Variants in SHISA9 observed in about 807,000 individuals in gnomAD.
SHISA9 encodes the protein shisa family member 9, also known as protein shisa-9.
A neutral mutation model predicts 38.0 loss-of-function variants in SHISA9; 13 were observed. The observed-to-expected ratio is 0.34, with a 90% CI of 0.22 to 0.54. The LOEUF (loss-of-function observed/expected upper bound fraction) is 0.54, where lower values mean the gene tolerates loss of function less well. SHISA9 is among the 20% of genes least tolerant of loss of function. The pLI is 0.91. For missense variants in SHISA9, 538 were observed against 575.8 expected (o/e 0.93, Z 0.67); for synonymous variants, 275 against 242.0 (o/e 1.14, Z -1.27).
intron 2 of SHISA9, among the ~76,000 whole-genome samples, chr16:12,939,076 C>T (rs2071574154): frequency 6.6e-6 from 1 of 151,838 alleles, no homozygotes; most frequent in Non-Finnish European, 1.5e-5. Context: ...CTCCTTTCCT[C>T]TTCTCTCCTC....
the SHISA9 span, among the ~76,000 whole-genome samples, chr16:13,315,835 G>A: frequency 6.6e-6 from 1 of 152,136 alleles, no homozygotes; most frequent in South Asian, 2.1e-4. Flanking sequence ...GTGAAAACAT[G>A]AACCCAGGCG....
At chr16:12,903,838 A>T (rs2071056821) in intron 1 of SHISA9, among the ~76,000 whole-genome samples, 1 of 152,160 alleles carries the variant, frequency 6.6e-6, no homozygotes, top group African/African-American at 2.4e-5. Flanking sequence ...GCTCCGTGTG[A>T]TGCCTAAAAA....
the SHISA9 span, among the ~76,000 whole-genome samples, chr16:13,249,041 T>C: frequency 1.9e-3 from 287 of 152,206 alleles, 1 homozygote; most frequent in African/African-American, 6.8e-3. Context: ...TGAGGGAAAA[T>C]TTCTCCAAGA....
At chr16:13,261,778 G>T in the SHISA9 span, among the ~76,000 whole-genome samples, 1 of 152,170 alleles carries the variant, frequency 6.6e-6, no homozygotes, top group African/African-American at 2.4e-5. Context: ...GATATGGGCT[G>T]GTGATCATGG....
At chr16:13,027,689 G>A (rs1399265883) in intron 2 of SHISA9, among the ~76,000 whole-genome samples, 1 of 152,072 alleles carries the variant, frequency 6.6e-6, no homozygotes, top group African/African-American at 2.4e-5. Flanking sequence ...AGTGTTGGGA[G>A]GCTGAGGCAG....
the SHISA9 span, among the ~76,000 whole-genome samples, chr16:13,498,085 G>A: frequency 5.3e-5 from 8 of 151,792 alleles, no homozygotes; most frequent in Admixed American, 4.6e-4. Flanking sequence ...AAAAAAATCA[G>A]ATAAAAGTTT....
chr16:13,482,223 T>A, the SHISA9 span, among the ~76,000 whole-genome samples: 1 of 152,258 alleles, frequency 6.6e-6, no homozygotes, highest in Non-Finnish European at 1.5e-5. Context: ...GTTGGCTGTT[T>A]CCCTGCCAAG....
the SHISA9 span, among the ~76,000 whole-genome samples, chr16:13,418,075 T>C: frequency 1.3e-5 from 2 of 152,188 alleles, no homozygotes; most frequent in East Asian, 1.9e-4. Flanking sequence ...CAGACACCTG[T>C]CATGTTTTGG....
At chr16:13,242,681 C>T (rs1431280732), downstream of SHISA9, among the ~76,000 whole-genome samples, 3 of 152,198 alleles carry the variant, frequency 2.0e-5, no homozygotes, top group East Asian at 5.8e-4. Flanking sequence ...TCCATGTCTT[C>T]ATTTTCCTTC....
chr16:13,264,426 G>A, the SHISA9 span, among the ~76,000 whole-genome samples: 1 of 152,050 alleles, frequency 6.6e-6, no homozygotes, highest in Admixed American at 6.6e-5. Flanking sequence ...GCCCCCCTCG[G>A]CTTCCCAAAG....
At chr16:13,485,871 A>G in the SHISA9 span, among the ~76,000 whole-genome samples, 2 of 152,230 alleles carry the variant, frequency 1.3e-5, no homozygotes, top group African/African-American at 4.8e-5. Flanking sequence ...GCTCCAGTAT[A>G]TGAGTGAGAA....
intron 4 of SHISA9, among the ~76,000 whole-genome samples, chr16:13,222,032 AG>A (rs1259910634): frequency 3.3e-5 from 5 of 152,182 alleles, no homozygotes; most frequent in African/African-American, 7.2e-5. Flanking sequence ...TGGAAGGCCA[AG>A]GGGAAGCAAA....
At chr16:13,379,572 A>G in the SHISA9 span, among the ~76,000 whole-genome samples, 2 of 152,154 alleles carry the variant, frequency 1.3e-5, no homozygotes, top group Non-Finnish European at 2.9e-5. Flanking sequence ...TGCCAACTAT[A>G]TTTTTTTAAA....
the SHISA9 span, among the ~76,000 whole-genome samples, chr16:13,277,630 C>T: frequency 4.6e-5 from 7 of 151,420 alleles, no homozygotes; most frequent in East Asian, 1.9e-4. Context: ...TAGAGGTTTT[C>T]GGACTCCTTG....
the SHISA9 span, among the ~76,000 whole-genome samples, chr16:13,487,623 A>C: frequency 6.6e-6 from 1 of 152,262 alleles, no homozygotes; most frequent in Non-Finnish European, 1.5e-5. Context: ...ATTATAATTC[A>C]ACATGAGATT....
At chr16:13,438,519 TAAAGA>T in the SHISA9 span, among the ~76,000 whole-genome samples, 16 of 152,118 alleles carry the variant, frequency 1.1e-4, no homozygotes, top group African/African-American at 2.9e-4. Context: ...GCTACAAAAA[TAAAGA>T]AAAGGAGAGA....
At chr16:13,072,113 C>T (rs961562626) in intron 2 of SHISA9, among the ~76,000 whole-genome samples, 1 of 152,242 alleles carries the variant, frequency 6.6e-6, no homozygotes, top group Non-Finnish European at 1.5e-5. Context: ...CTTTGGAAGG[C>T]TTCAGTGCCC....
intron 2 of SHISA9, among the ~76,000 whole-genome samples, chr16:13,103,109 C>G (rs1231103219): frequency 6.6e-6 from 1 of 152,180 alleles, no homozygotes; most frequent in Non-Finnish European, 1.5e-5. Flanking sequence ...GAAACTGAGG[C>G]AAAGAGATAA....
chr16:13,234,147 A>G (rs1415231400), intron 4 of SHISA9, among the ~76,000 whole-genome samples: 2 of 152,238 alleles, frequency 1.3e-5, no homozygotes, highest in African/African-American at 4.8e-5. Context: ...CACAATTAGA[A>G]CACTCATTAA....
Sources: allele counts gnomAD v4.1 joint callset (sites outside exome capture counted in the v4.1 genomes callset), GRCh38; gene constraint gnomAD v4.1.1; transcripts MANE v1.5; gene names NCBI Gene and HGNC (gene_info 2026-07-23, HGNC 2026-07-21).